Variants in IKZF2 observed in about 807,000 individuals in gnomAD.
The protein encoded by IKZF2 is IKAROS family zinc finger 2, also known as zinc finger protein Helios.
IKZF2 carries 15 observed loss-of-function variants against 49.2 expected under a neutral mutation model. That is an observed-to-expected ratio of 0.30 (90% CI 0.20 to 0.47). IKZF2 has a LOEUF of 0.47. IKZF2 is among the 20% of genes least tolerant of loss of function. The probability of loss-of-function intolerance (pLI) is 1.00; values close to 1 mark genes in which losing one functional copy is unlikely to be tolerated. For missense variants in IKZF2, 567 were observed against 664.6 expected, an observed-to-expected ratio of 0.85 and a Z score of 1.61; for synonymous variants, 227 against 221.4, an observed-to-expected ratio of 1.03 and a Z score of -0.23.
At chr2:213,099,611 A>G (rs2125694688) in intron 4 of IKZF2, among the ~76,000 whole-genome samples, 1 of 152,266 alleles carries the variant, frequency 6.6e-6, no homozygotes, top group South Asian at 2.1e-4. Context: ...AGCTTTACCT[A>G]CAAGCACAAA....
intron 4 of IKZF2, among the ~76,000 whole-genome samples, chr2:213,126,671 A>G (rs945259221): frequency 3.3e-5 from 5 of 152,220 alleles, no homozygotes; most frequent in African/African-American, 1.2e-4. Flanking sequence ...AGAAAAATGC[A>G]GACTTGCAAT....
chr2:213,148,755 C>A, intron 2 of IKZF2, 111 bp from the exon 3 acceptor site: 1 of 805,040 alleles, frequency 1.2e-6, no homozygotes, highest in Admixed American at 2.1e-5. Context: ...CTGCTGCCAC[C>A]TGTGCCCAGA....
In IKZF2 at chr2:213,072,082, C is replaced by G. The variant is rs567806736; in HGVS notation, c.140-14983G>C. Among the ~76,000 whole-genome samples the G allele has an allele frequency of 5.3e-5, 8 of 152,168 alleles. No homozygotes were observed. In the East Asian group the frequency reaches 1.5e-3, roughly 29 times the overall value. On this transcript the variant is annotated intron_variant, in intron 4 of 8. Coordinates refer to ENST00000434687, the MANE Select transcript of IKZF2 (RefSeq NM_001387220.1). ...CATGCTGATAATAGTTGCAAGCTTT[C>G]ACTATGTTGCCATATTATCAGTCTT...
chr2:213,134,328 C>G (rs1237037332), intron 4 of IKZF2, among the ~76,000 whole-genome samples: 2 of 152,216 alleles, frequency 1.3e-5, no homozygotes, highest in East Asian at 3.8e-4. Context: ...CCCTAACCCC[C>G]TTCCAATCTC....
At chr2:213,016,458 C>T (rs1273436484) in intron 7 of IKZF2, among the ~76,000 whole-genome samples, 1 of 152,106 alleles carries the variant, frequency 6.6e-6, no homozygotes, top group Non-Finnish European at 1.5e-5. Context: ...AGACCTGATA[C>T]ATTTTTCCTT....
intron 4 of IKZF2, among the ~76,000 whole-genome samples, chr2:213,129,876 G>C (rs532208933): frequency 1.3e-5 from 2 of 152,336 alleles, no homozygotes; most frequent in East Asian, 3.9e-4. Flanking sequence ...ATTTCTGATA[G>C]ACTGGATGTG....
chr2:213,118,529 C>G (rs2125817721), intron 4 of IKZF2, among the ~76,000 whole-genome samples: 1 of 152,274 alleles, frequency 6.6e-6, no homozygotes, highest in South Asian at 2.1e-4. Context: ...AACACTAACT[C>G]TAACAAACTG....
chr2:213,011,051 T>C (rs1471329895), intron 8 of IKZF2, among the ~76,000 whole-genome samples: 3 of 151,944 alleles, frequency 2.0e-5, no homozygotes, highest in African/African-American at 7.2e-5. Flanking sequence ...GCAGATACTC[T>C]CTAGGAGCTG....
intron 1 of IKZF2, chr2:213,150,472 C>CTCCTCCTCG (rs1553605955): frequency 5.9e-5 from 16 of 271,728 alleles, no homozygotes; most frequent in Non-Finnish European, 1.2e-4. Flanking sequence ...CCTCCTCCTC[C>CTCCTCCTCG]TCCTCGTCCT....
At chr2:213,068,320 T>G (rs891863334) in intron 4 of IKZF2, among the ~76,000 whole-genome samples, 1 of 152,096 alleles carries the variant, frequency 6.6e-6, no homozygotes, top group Admixed American at 6.6e-5. Flanking sequence ...TTCTATTAAC[T>G]GGTGATTTAG....
At chr2:213,135,858 A>G (rs2060639673) in intron 4 of IKZF2, among the ~76,000 whole-genome samples, 1 of 151,110 alleles carries the variant, frequency 6.6e-6, no homozygotes, top group South Asian at 2.1e-4. Flanking sequence ...AGAGCGCCTG[A>G]CCAACATGGT....
chr2:213,098,264 A>G (rs1706249677), intron 4 of IKZF2, among the ~76,000 whole-genome samples: 1 of 152,190 alleles, frequency 6.6e-6, no homozygotes, highest in South Asian at 2.1e-4. Context: ...TTGAGAAGAA[A>G]TAAATTACAG....
chr2:213,078,071 G>A (rs1345194942), intron 4 of IKZF2, among the ~76,000 whole-genome samples: 2 of 151,804 alleles, frequency 1.3e-5, no homozygotes, highest in African/African-American at 2.4e-5. Context: ...ACTGATAAAC[G>A]CACATATTCC....
intron 4 of IKZF2, among the ~76,000 whole-genome samples, chr2:213,112,409 G>A (rs1168644281): frequency 6.8e-6 from 1 of 146,716 alleles, no homozygotes; most frequent in South Asian, 2.1e-4. Flanking sequence ...ACATATTAAT[G>A]TTTATGAAAA....
chr2:213,062,135 C>A (rs1701753599), intron 4 of IKZF2, among the ~76,000 whole-genome samples: 1 of 151,482 alleles, frequency 6.6e-6, no homozygotes, highest in Non-Finnish European at 1.5e-5. Context: ...ATTCTACCCT[C>A]ATCATTAGAA....
intron 4 of IKZF2, among the ~76,000 whole-genome samples, chr2:213,060,759 A>G (rs528312766): frequency 3.5e-4 from 53 of 151,500 alleles, no homozygotes; most frequent in Non-Finnish European, 6.1e-4. Context: ...TTTTGATGAT[A>G]AAGATGTTTC....
At chr2:213,149,462 T>C (rs573902836) in intron 2 of IKZF2, among the ~76,000 whole-genome samples, 32 of 152,302 alleles carry the variant, frequency 2.1e-4, no homozygotes, top group Non-Finnish European at 4.1e-4. Context: ...TAGCTTTGAT[T>C]CACATAATGA....
intron 4 of IKZF2, among the ~76,000 whole-genome samples, chr2:213,142,227 C>T (rs1469090052): frequency 1.3e-5 from 2 of 151,746 alleles, no homozygotes; most frequent in East Asian, 1.9e-4. Context: ...TGAGCGCCAC[C>T]CCCCTCCCCA....
intron 4 of IKZF2, among the ~76,000 whole-genome samples, chr2:213,138,603 G>A (rs1156458975): frequency 6.6e-6 from 1 of 151,854 alleles, no homozygotes; most frequent in Non-Finnish European, 1.5e-5. Context: ...CAATGCATAT[G>A]CTAGGGATGA....
Sources: allele counts gnomAD v4.1 joint callset (sites outside exome capture counted in the v4.1 genomes callset), GRCh38; gene constraint gnomAD v4.1.1; transcripts MANE v1.5; gene names NCBI Gene and HGNC (gene_info 2026-07-23, HGNC 2026-07-21).